TMEM108: variants seen among roughly 807,000 people sequenced by gnomAD.
The protein encoded by TMEM108 is transmembrane protein 108, also known as cancer/testis antigen 124.
A neutral mutation model predicts 35.1 loss-of-function variants in TMEM108; 12 were observed. The ratio of observed to expected loss-of-function variants is 0.34; its 90% CI spans 0.22 to 0.55. The LOEUF (loss-of-function observed/expected upper bound fraction) is 0.55. Ranked by LOEUF, TMEM108 falls within the 20% of genes least tolerant of loss-of-function variation. The pLI, the probability that TMEM108 is intolerant of heterozygous loss-of-function variation, is 0.89. For missense variants in TMEM108, 680 were observed against 753.3 expected (o/e 0.90, Z 1.14); for synonymous variants, 287 against 308.6 (o/e 0.93, Z 0.73).
intron 2 of TMEM108, among the ~76,000 whole-genome samples, chr3:133,200,226 A>G (rs897334796): frequency 1.3e-5 from 2 of 152,280 alleles, no homozygotes; most frequent in East Asian, 1.9e-4. Context: ...AGGTGAGGCA[A>G]TGCCTCGCCC....
At chr3:133,239,126 G>T (rs1298010228) in intron 3 of TMEM108, among the ~76,000 whole-genome samples, 4 of 152,072 alleles carry the variant, frequency 2.6e-5, no homozygotes. Flanking sequence ...TGCTAAATAG[G>T]TGCTGGGTTT....
chr3:133,371,850 A>ATTAT (rs2072687160), intron 3 of TMEM108, among the ~76,000 whole-genome samples: 1 of 152,216 alleles, frequency 6.6e-6, no homozygotes, highest in Admixed American at 6.5e-5. Flanking sequence ...AGATATGGGC[A>ATTAT]TATAACATGG....
At chr3:133,264,738 C>G (rs1040146764) in intron 3 of TMEM108, among the ~76,000 whole-genome samples, 2 of 152,076 alleles carry the variant, frequency 1.3e-5, no homozygotes, top group African/African-American at 4.8e-5. Flanking sequence ...ATAAAAAGAA[C>G]AGGGTTTGAA....
chr3:133,167,538 C>T (rs1457851823), intron 2 of TMEM108, among the ~76,000 whole-genome samples: 14 of 152,350 alleles, frequency 9.2e-5, no homozygotes, highest in East Asian at 1.9e-4. Context: ...CCCTGCCCCG[C>T]GGGGAGGCGG....
intron 3 of TMEM108, among the ~76,000 whole-genome samples, chr3:133,333,771 T>C (rs2071434281): frequency 6.6e-6 from 1 of 152,228 alleles, no homozygotes. Flanking sequence ...AGTTTCTTGT[T>C]AAGTCAATTT....
Position 133,094,103 on chromosome 3 carries a change from G to A in TMEM108, c.-47+48083G>A, listed in dbSNP as rs1220564979. On this transcript the variant is annotated intron_variant, in intron 2 of 5. Transcript: ENST00000321871. ...TCCGGTTTAGTCCTTGTTTCCAAAG[G>A]AAATTCCTCTCATGGTGTGAAGATA... Among the ~76,000 whole-genome samples the A allele has an allele frequency of 1.3e-4, 20 of 152,080 alleles. 1 individual carries two copies. The highest frequency in any genetic ancestry group is 2.6e-4 in the Non-Finnish European group (18 of 67,994).
intron 2 of TMEM108, among the ~76,000 whole-genome samples, chr3:133,209,654 C>T (rs1455393356): frequency 1.3e-5 from 2 of 152,114 alleles, no homozygotes; most frequent in Admixed American, 6.5e-5. Flanking sequence ...TGGTCCCCAG[C>T]GGGGAAGGAG....
rs566789529 is a variant in TMEM108, at chr3:133,299,287, T to C, written c.40+69936T>C. Among the ~76,000 whole-genome samples the C allele has an allele frequency of 2.0e-5, 3 of 152,314 alleles. No individual in the cohort carries two copies. In the South Asian group the frequency reaches 6.2e-4, roughly 32 times the overall value. ...GGGAAATAAAAACAGAATAGCTCTT[T>C]AGTGGCAGATAGATTAACCAACAGT... On this transcript the variant is annotated intron_variant, in intron 3 of 5. Transcript: ENST00000321871.
At chr3:133,386,862 C>T (rs756718093) in intron 4 of TMEM108, 2 of 614,686 alleles carry the variant, frequency 3.3e-6, no homozygotes, top group Non-Finnish European at 4.1e-6. Flanking sequence ...GTTGGGTGAT[C>T]AAGATCAATA....
intron 3 of TMEM108, among the ~76,000 whole-genome samples, chr3:133,279,696 G>C (rs1275036301): frequency 6.6e-6 from 1 of 152,206 alleles, no homozygotes; most frequent in African/African-American, 2.4e-5. Context: ...GAAGACTCCA[G>C]CACAGCACTT....
At chr3:133,059,625 G>C (rs1221300859) in intron 2 of TMEM108, among the ~76,000 whole-genome samples, 2 of 152,188 alleles carry the variant, frequency 1.3e-5, no homozygotes, top group African/African-American at 4.8e-5. Flanking sequence ...GGAAGAGTTA[G>C]GTCGCCTCTC....
intron 2 of TMEM108, among the ~76,000 whole-genome samples, chr3:133,118,204 T>G (rs1200734882): frequency 6.6e-6 from 1 of 152,116 alleles, no homozygotes; most frequent in Non-Finnish European, 1.5e-5. Context: ...GGTTGTCTGG[T>G]TTCTGGGGCC....
chr3:133,279,209 A>G (rs895707824), intron 3 of TMEM108, among the ~76,000 whole-genome samples: 1 of 152,234 alleles, frequency 6.6e-6, no homozygotes, highest in African/African-American at 2.4e-5. Flanking sequence ...GTCTACGTGC[A>G]TGGACGAAAT....
At chr3:133,136,677 C>T (rs1378637787) in intron 2 of TMEM108, among the ~76,000 whole-genome samples, 4 of 152,220 alleles carry the variant, frequency 2.6e-5, no homozygotes, top group Non-Finnish European at 2.9e-5. Flanking sequence ...GGTGCCATCA[C>T]AGAGTGCTCC....
At chr3:133,166,614 C>A (rs562038439) in intron 2 of TMEM108, among the ~76,000 whole-genome samples, 2 of 151,636 alleles carry the variant, frequency 1.3e-5, no homozygotes, top group African/African-American at 4.8e-5. Flanking sequence ...CTTAAAGCGG[C>A]GTGTCTGGAG....
chr3:133,144,992 CT>C (rs1317852762), intron 2 of TMEM108, among the ~76,000 whole-genome samples: 4 of 152,166 alleles, frequency 2.6e-5, no homozygotes, highest in African/African-American at 7.2e-5. Context: ...TCAATGTTGG[CT>C]TTTGTTGCCA....
chr3:133,308,720 C>T (rs59126999), intron 3 of TMEM108, among the ~76,000 whole-genome samples: 2 of 152,170 alleles, frequency 1.3e-5, no homozygotes, highest in Non-Finnish European at 1.5e-5. Context: ...CCTACTTGAT[C>T]GTGGTGGATA....
At chr3:133,224,576 T>C (rs1461710419) in intron 2 of TMEM108, among the ~76,000 whole-genome samples, 2 of 152,102 alleles carry the variant, frequency 1.3e-5, no homozygotes, top group Non-Finnish European at 2.9e-5. Flanking sequence ...AGTGAATAAG[T>C]GTCATGAGAT....
intron 3 of TMEM108, among the ~76,000 whole-genome samples, chr3:133,340,536 AG>A (rs1559912619): frequency 6.6e-6 from 1 of 151,850 alleles, no homozygotes; most frequent in Non-Finnish European, 1.5e-5. Flanking sequence ...CAAAAAATAG[AG>A]GAGAGAATAC....
Sources: allele counts gnomAD v4.1 joint callset (sites outside exome capture counted in the v4.1 genomes callset), GRCh38; gene constraint gnomAD v4.1.1; transcripts MANE v1.5; gene names NCBI Gene and HGNC (gene_info 2026-07-23, HGNC 2026-07-21).